The following ERG variants were observed in gnomAD, a reference collection of about 807,000 sequenced individuals.
ERG encodes transcriptional regulator ERG.
Under a neutral mutation model 55.3 loss-of-function variants are expected in ERG, and 9 were observed. The ratio of observed to expected loss-of-function variants is 0.16; its 90% CI spans 0.10 to 0.28. The LOEUF (loss-of-function observed/expected upper bound fraction) is 0.28, where lower values mean the gene tolerates loss of function less well. ERG is among the 10% of genes least tolerant of loss of function. The pLI, the probability that ERG is intolerant of heterozygous loss-of-function variation, is 1.00. For synonymous variants in ERG, 223 were observed against 237.3 expected (o/e 0.94, Z 0.55); for missense variants, 434 against 631.6 (o/e 0.69, Z 3.35).
At chr21:38,443,343 C>T (rs554509743) in intron 2 of ERG, among the ~76,000 whole-genome samples, 92 of 152,288 alleles carry the variant, frequency 6.0e-4, no homozygotes, top group African/African-American at 2.1e-3. Context: ...TCTCTCCCCA[C>T]CTTCCAACAT....
At chr21:38,576,443 G>C (rs1389348119) in intron 1 of ERG, among the ~76,000 whole-genome samples, 1 of 152,132 alleles carries the variant, frequency 6.6e-6, no homozygotes, top group Non-Finnish European at 1.5e-5. Context: ...AATTTGGTTT[G>C]ACTTAATTAG....
chr21:38,461,729 A>C (rs2059044497), intron 1 of ERG, among the ~76,000 whole-genome samples: 1 of 152,266 alleles, frequency 6.6e-6, no homozygotes, highest in South Asian at 2.1e-4. Flanking sequence ...GCCACTTCTC[A>C]TTAACATTTT....
intron 5 of ERG, 117 bp downstream of exon 5, chr21:38,402,440 A>G (rs989698066): frequency 4.2e-6 from 3 of 716,898 alleles, no homozygotes; most frequent in Non-Finnish European, 4.7e-6. Context: ...AGTATTCTGA[A>G]TCATCTACCT....
chr21:38,586,422 C>T (rs1440620285), upstream of ERG, among the ~76,000 whole-genome samples: 2 of 152,034 alleles, frequency 1.3e-5, no homozygotes, highest in African/African-American at 4.8e-5. Context: ...AATTACTCCT[C>T]CTGTCTAACT....
At chr21:38,423,663 A>G in intron 2 of ERG, 102 bp from the exon 3 acceptor site, 1 of 1,265,104 alleles carries the variant, frequency 7.9e-7, no homozygotes, top group Middle Eastern at 2.0e-4. Flanking sequence ...GGCAAGGCGG[A>G]AGAGACTGGG....
At chr21:38,587,389 C>T (rs978259561), upstream of ERG, among the ~76,000 whole-genome samples, 1 of 149,004 alleles carries the variant, frequency 6.7e-6, no homozygotes, top group African/African-American at 2.5e-5. Context: ...GACGGAGTCT[C>T]GCTCTGTCGC....
At chr21:38,476,407 T>C (rs2146637139) in intron 1 of ERG, among the ~76,000 whole-genome samples, 1 of 152,294 alleles carries the variant, frequency 6.6e-6, no homozygotes, top group East Asian at 1.9e-4. Flanking sequence ...CAGCGAAACA[T>C]GTTCTCCTAA....
At chr21:38,577,680 C>A (rs1024451237) in intron 1 of ERG, among the ~76,000 whole-genome samples, 1 of 152,184 alleles carries the variant, frequency 6.6e-6, no homozygotes, top group African/African-American at 2.4e-5. Flanking sequence ...CAGGAAAACA[C>A]CACTCTGCTC....
intron 2 of ERG, among the ~76,000 whole-genome samples, chr21:38,532,292 T>G (rs2059678009): frequency 6.6e-6 from 1 of 152,112 alleles, no homozygotes. Flanking sequence ...AAGGAAAATA[T>G]ATACCGATTC....
chr21:38,595,368 G>A (rs1299986105), intron 1 of ERG, among the ~76,000 whole-genome samples: 2 of 152,218 alleles, frequency 1.3e-5, no homozygotes, highest in Non-Finnish European at 2.9e-5. Flanking sequence ...GAGAAGACAT[G>A]TCAGAGCCTG....
chr21:38,569,981 T>C (rs921368789), intron 2 of ERG, among the ~76,000 whole-genome samples: 2 of 152,174 alleles, frequency 1.3e-5, no homozygotes, highest in African/African-American at 4.8e-5. Context: ...GGTTTATGTA[T>C]CCACTTTTCT....
At chr21:38,487,120 CTTT>C (rs5843910) in intron 1 of ERG, among the ~76,000 whole-genome samples, 32 of 127,570 alleles carry the variant, frequency 2.5e-4, no homozygotes, top group East Asian at 6.7e-4. Flanking sequence ...CCTCACTCCT[CTTT>C]TTTTTTTTTT....
At chr21:38,423,648 A>G in intron 2 of ERG, 87 bp from the exon 3 acceptor site, 1 of 1,386,652 alleles carries the variant, frequency 7.2e-7, no homozygotes, top group Non-Finnish European at 9.9e-7. Context: ...AGAGAACCAA[A>G]GAAGGGCAAG....
downstream of ERG, among the ~76,000 whole-genome samples, chr21:38,376,033 C>G (rs1987232936): frequency 6.6e-6 from 1 of 152,218 alleles, no homozygotes. Flanking sequence ...ATCCTATGAT[C>G]TTAACAAGTA....
downstream of ERG, among the ~76,000 whole-genome samples, chr21:38,375,343 A>C (rs998024175): frequency 1.3e-5 from 2 of 152,220 alleles, no homozygotes; most frequent in Non-Finnish European, 2.9e-5. Context: ...CGATAGGTGC[A>C]TGCATGTCTT....
chr21:38,511,502 A>G (rs1006343723), intron 2 of ERG, among the ~76,000 whole-genome samples: 14 of 152,332 alleles, frequency 9.2e-5, no homozygotes, highest in Admixed American at 3.9e-4. Flanking sequence ...AGACACAATC[A>G]TATCATATTT....
Position 38,383,422 on chromosome 21 carries a change from T to C in ERG, c.1421A>G (p.His474Arg), listed in dbSNP as rs1442916763. ...AGGTCTTTAGTAGTAAGTGCCCAGA[T>C]GAGAAGGCATATGGCTGGTGGGGAG... Reference protein sequence around the residue: ...TRLPTSHMPSHLGTYY With the variant: ...TRLPTSHMPSRLGTYY The change falls in exon 10 of 10, where the codon CAT becomes CGT. Residue 474 changes from histidine (H) to arginine (R), a missense_variant. Coordinates refer to ENST00000288319, the MANE Select transcript of ERG (RefSeq NM_182918.4). The surrounding 1 kb of genome is among the most constrained non-coding windows in gnomAD (Gnocchi z 5.7). 2 of 1,510,216 alleles carry C rather than the reference T, an allele frequency of 1.3e-6. No individual in the cohort carries two copies. The highest frequency in any genetic ancestry group is 1.8e-6 in the Non-Finnish European group (2 of 1,129,234). The allele number at this position is 1,510,216 out of a possible 1,614,324, so 93.6% of individuals were successfully genotyped here.
chr21:38,484,279 T>A (rs74276531), intron 1 of ERG, among the ~76,000 whole-genome samples: 3,246 of 152,220 alleles, frequency 0.021, 63 homozygotes, highest in East Asian at 0.084. Context: ...TTCTATAGAT[T>A]CTTAATCATG....
chr21:38,378,550 T>C (rs1054816681), downstream of ERG, among the ~76,000 whole-genome samples: 1 of 152,206 alleles, frequency 6.6e-6, no homozygotes, highest in African/African-American at 2.4e-5. Context: ...CCTGAATCAA[T>C]GGGTGATAAG....
Sources: allele counts gnomAD v4.1 joint callset (sites outside exome capture counted in the v4.1 genomes callset), GRCh38; gene constraint gnomAD v4.1.1; non-coding constraint Gnocchi (gnomAD v3.1); transcripts MANE v1.5; gene names NCBI Gene and HGNC (gene_info 2026-07-23, HGNC 2026-07-21).